The following CPM variants were observed in gnomAD, a reference collection of about 807,000 sequenced individuals.
CPM encodes the protein renal carboxypeptidase.
A neutral mutation model predicts 46.4 loss-of-function variants in CPM; 35 were observed. That is an observed-to-expected ratio of 0.75 (90% confidence interval 0.58 to 1.00). The LOEUF is 1.00. Among genes scored for constraint, CPM ranks in the 50% least tolerant of loss-of-function variants. CPM has a pLI of 0.00. For missense variants in CPM, 422 were observed against 530.4 expected (o/e 0.80, Z 2.01); for synonymous variants, 195 against 195.3 (o/e 1.00, Z 0.01).
intron 1 of CPM, among the ~76,000 whole-genome samples, chr12:68,953,324 C>T (rs1888965256): frequency 1.3e-5 from 2 of 151,868 alleles, no homozygotes; most frequent in Admixed American, 1.3e-4. Context: ...AGCAGCAGTT[C>T]TTTCATATTT....
At chr12:68,946,634 C>T (rs1888852377) in intron 1 of CPM, among the ~76,000 whole-genome samples, 1 of 152,200 alleles carries the variant, frequency 6.6e-6, no homozygotes, top group African/African-American at 2.4e-5. Context: ...AACCTCAATT[C>T]CTCAAAGCAG....
At chr12:68,891,451 T>G (rs1466458393) in intron 2 of CPM, among the ~76,000 whole-genome samples, 4 of 152,232 alleles carry the variant, frequency 2.6e-5, no homozygotes, top group African/African-American at 7.2e-5. Context: ...CCAGACTAGC[T>G]ATGCTTGCAT....
intron 1 of CPM, among the ~76,000 whole-genome samples, chr12:68,952,713 T>C (rs1052422167): frequency 6.6e-6 from 1 of 152,232 alleles, no homozygotes; most frequent in Non-Finnish European, 1.5e-5. Flanking sequence ...AATCTTTTCA[T>C]GCCTCCCACA....
At chr12:68,876,639 A>T (rs139420834) in intron 3 of CPM, among the ~76,000 whole-genome samples, 1 of 152,310 alleles carries the variant, frequency 6.6e-6, no homozygotes, top group Non-Finnish European at 1.5e-5. Context: ...GGCCTGATGG[A>T]CACACCGGCC....
At chr12:68,867,154 A>G in intron 6 of CPM, 106 bp from the exon 7 acceptor site, 1 of 1,131,032 alleles carries the variant, frequency 8.8e-7, no homozygotes, top group African/African-American at 1.6e-5. Context: ...GTAAACAGGA[A>G]AAAATGAATT....
At chr12:68,876,934 G>C (rs1049506175) in intron 3 of CPM, among the ~76,000 whole-genome samples, 5 of 151,730 alleles carry the variant, frequency 3.3e-5, no homozygotes, top group African/African-American at 1.2e-4. Context: ...GAGAGAGAGA[G>C]AGAGAATCTT....
upstream of CPM, among the ~76,000 whole-genome samples, chr12:68,936,740 CTAA>C (rs1257360027): frequency 1.3e-5 from 2 of 152,050 alleles, no homozygotes; most frequent in African/African-American, 4.8e-5. Flanking sequence ...AATAAAAAGG[CTAA>C]TAATTTGAAA....
At chr12:68,910,762 G>A (rs1176808819) in intron 2 of CPM, among the ~76,000 whole-genome samples, 1 of 151,874 alleles carries the variant, frequency 6.6e-6, no homozygotes, top group Non-Finnish European at 1.5e-5. Context: ...ACTATTATAA[G>A]AAATGCTACA....
intron 3 of CPM, among the ~76,000 whole-genome samples, chr12:68,875,801 C>T (rs1885925906): frequency 8.3e-6 from 1 of 120,860 alleles, no homozygotes; most frequent in Non-Finnish European, 1.6e-5. Flanking sequence ...GAGACTCTGT[C>T]TCAAAAAAAA....
At chr12:68,946,899 TAAA>T (rs1299060185) in intron 1 of CPM, among the ~76,000 whole-genome samples, 3 of 152,200 alleles carry the variant, frequency 2.0e-5, no homozygotes, top group African/African-American at 4.8e-5. Flanking sequence ...TAGCTCCAAA[TAAA>T]AAAGTTTTCT....
At chr12:68,925,300 T>A (rs1215547740) in intron 2 of CPM, among the ~76,000 whole-genome samples, 1 of 152,184 alleles carries the variant, frequency 6.6e-6, no homozygotes, top group East Asian at 1.9e-4. Context: ...TTAATAATAA[T>A]AATAATAGCA....
chr12:68,895,676 A>C (rs764317983), intron 2 of CPM, among the ~76,000 whole-genome samples: 1 of 152,136 alleles, frequency 6.6e-6, no homozygotes, highest in Non-Finnish European at 1.5e-5. Flanking sequence ...AGAAGTAAAG[A>C]AATCTTAGAA....
Position 68,856,488 on chromosome 12 carries a change from C to A in CPM, c.1281G>T (p.Lys427Asn). ...TCACTAAAAATAAGAACAAACTAGG[C>A]TTTGTTGCAGCTGAGTGGTCTGGCA... ...RNLPDHSAAT[K>N]PSLFLFLVSL... Residue 427 changes from lysine to asparagine, a missense_variant, in exon 9 of 9, where the codon AAG (lysine) becomes AAT (asparagine). Transcript: ENST00000551568. 1 of 1,614,016 alleles carries A rather than the reference C, an allele frequency of 6.2e-7. No homozygotes were observed.
intron 1 of CPM, among the ~76,000 whole-genome samples, chr12:68,960,210 A>G (rs530054472): frequency 1.3e-5 from 2 of 152,326 alleles, no homozygotes; most frequent in South Asian, 2.1e-4. Flanking sequence ...GGATGGAAAC[A>G]TTTATTTTTG....
At chr12:68,962,495 C>G (rs1889139528) in intron 1 of CPM, among the ~76,000 whole-genome samples, 2 of 152,166 alleles carry the variant, frequency 1.3e-5, no homozygotes, top group South Asian at 4.1e-4. Flanking sequence ...ACCAGAACCC[C>G]TTTTCCCGAA....
At chr12:68,926,564 A>ATTT (rs1225415768) in intron 2 of CPM, among the ~76,000 whole-genome samples, 1 of 151,616 alleles carries the variant, frequency 6.6e-6, no homozygotes, top group Non-Finnish European at 1.5e-5. Flanking sequence ...TATTTATTTT[A>ATTT]TTTTATTATT....
At chr12:68,927,145 T>C (rs1186691092) in intron 2 of CPM, among the ~76,000 whole-genome samples, 1 of 151,578 alleles carries the variant, frequency 6.6e-6, no homozygotes, top group Admixed American at 6.6e-5. Flanking sequence ...CCACACTGAC[T>C]TCCACAATGG....
At chr12:68,923,870 C>T (rs551488363) in intron 2 of CPM, among the ~76,000 whole-genome samples, 92 of 152,170 alleles carry the variant, frequency 6.0e-4, no homozygotes, top group African/African-American at 2.1e-3. Context: ...ATATAATTTC[C>T]CCTCAATTTA....
chr12:68,915,851 TC>T (rs1453678270), intron 2 of CPM, among the ~76,000 whole-genome samples: 3 of 152,366 alleles, frequency 2.0e-5, no homozygotes, highest in East Asian at 3.9e-4. Context: ...GACATCAATT[TC>T]TTCATCTGTA....
Sources: gnomAD v4.1 joint callset for allele counts (sites outside exome capture counted in the v4.1 genomes callset) on GRCh38, gnomAD v4.1.1 for gene constraint, MANE v1.5 for transcripts, NCBI Gene and HGNC (gene_info 2026-07-23, HGNC 2026-07-21) for gene names.